BAZ2B: variants seen among roughly 807,000 people sequenced by gnomAD.
BAZ2B encodes the protein bromodomain adjacent to zinc finger domain protein 2B.
A neutral mutation model predicts 246.0 loss-of-function variants in BAZ2B; 91 were observed. The ratio of observed to expected loss-of-function variants is 0.37; its 90% CI spans 0.31 to 0.44. The LOEUF (loss-of-function observed/expected upper bound fraction) is 0.44, where lower values mean the gene tolerates loss of function less well. Ranked by LOEUF, BAZ2B falls within the 20% of genes least tolerant of loss-of-function variation. The probability of loss-of-function intolerance (pLI) is 1.00; values close to 1 mark genes in which losing one functional copy is unlikely to be tolerated. For missense variants in BAZ2B, 2,332 were observed against 2,533.7 expected (o/e 0.92, Z 1.71); for synonymous variants, 855 against 860.0 (o/e 0.99, Z 0.10).
chr2:159,372,385 T>A (rs759435871), intron 27 of BAZ2B, among the ~76,000 whole-genome samples: 1 of 152,218 alleles, frequency 6.6e-6, no homozygotes, highest in South Asian at 2.1e-4. Context: ...TTTGTCCCCA[T>A]CAGAATTTGG....
At chr2:159,397,430 G>T in intron 18 of BAZ2B, 41 bp from the exon 19 acceptor site, 2 of 1,324,144 alleles carry the variant, frequency 1.5e-6, no homozygotes, top group Non-Finnish European at 2.1e-6. Flanking sequence ...TTTTAGAGAA[G>T]ATTTAGAACA....
chr2:159,337,401 A>G, intron 32 of BAZ2B, 166 bp downstream of exon 32: 1 of 1,446,758 alleles, frequency 6.9e-7, no homozygotes, highest in South Asian at 1.3e-5. Context: ...CAGGCAATAG[A>G]AAATAGGCTC....
rs756452809 is a variant in BAZ2B, at chr2:159,350,310, T to C, written c.4261A>G (p.Ser1421Gly). Residue 1421 changes from serine to glycine, a missense_variant, in exon 28 of 37, where the codon AGT (serine) becomes GGT (glycine). Physicochemically the swap from Ser to Gly is moderately conservative, Grantham distance 56 (BLOSUM62 0). Around this residue, in one of 9 missense-constraint regions of BAZ2B, gnomAD observed 676 missense variants for 668.6 expected, o/e 1.01. Coordinates refer to ENST00000392783, the MANE Select transcript of BAZ2B (RefSeq NM_013450.4). ...KEREKLKKAESVQIKEEMFET... is the reference protein window; with the variant it reads ...KEREKLKKAEGVQIKEEMFET... ...AACATTTCTTCTTTGATCTGGACAC[T>C]TTCTGCCTTTTTCAGTTTTTCTCTT... 11 of 1,576,024 alleles carry C rather than the reference T, an allele frequency of 7.0e-6. No individual in the cohort carries two copies. In the East Asian group the frequency reaches 2.2e-4, roughly 32 times the overall value.
At chr2:159,539,478 T>C (rs950554206) in intron 2 of BAZ2B, among the ~76,000 whole-genome samples, 1 of 152,248 alleles carries the variant, frequency 6.6e-6, no homozygotes, top group Non-Finnish European at 1.5e-5. Context: ...ATTTATGTAC[T>C]AGTGTCCTCC....
intron 3 of BAZ2B, among the ~76,000 whole-genome samples, chr2:159,477,381 A>C (rs1423274534): frequency 6.6e-6 from 1 of 151,948 alleles, no homozygotes; most frequent in Non-Finnish European, 1.5e-5. Context: ...ACACACATAT[A>C]GTGCTATTTT....
intron 8 of BAZ2B, among the ~76,000 whole-genome samples, chr2:159,436,020 A>G (rs2072217291): frequency 6.6e-6 from 1 of 152,242 alleles, no homozygotes; most frequent in Admixed American, 6.5e-5. Context: ...AGTTAGATGT[A>G]CCATTTCAAT....
chr2:159,674,788 C>A, the BAZ2B span, among the ~76,000 whole-genome samples: 1 of 151,330 alleles, frequency 6.6e-6, no homozygotes, highest in Non-Finnish European at 1.5e-5. Flanking sequence ...GTAAGGATTT[C>A]TGAATAAATA....
chr2:159,518,884 T>A (rs993415469), intron 2 of BAZ2B, among the ~76,000 whole-genome samples: 1 of 152,176 alleles, frequency 6.6e-6, no homozygotes, highest in Non-Finnish European at 1.5e-5. Context: ...CTGTAAGATG[T>A]AATTTACAAA....
chr2:159,370,414 G>A (rs564554059), intron 27 of BAZ2B, among the ~76,000 whole-genome samples: 5 of 117,584 alleles, frequency 4.3e-5, no homozygotes, highest in Admixed American at 1.2e-4. Flanking sequence ...ACGCAGTCTC[G>A]CTCTCTTGCC....
intron 1 of BAZ2B, among the ~76,000 whole-genome samples, chr2:159,595,447 G>A: frequency 6.6e-6 from 1 of 152,144 alleles, no homozygotes; most frequent in East Asian, 1.9e-4. Flanking sequence ...CATGTTAGTG[G>A]AAATGTCAAT....
intron 27 of BAZ2B, among the ~76,000 whole-genome samples, chr2:159,361,470 T>C (rs200571105): frequency 4.6e-5 from 7 of 152,172 alleles, no homozygotes; most frequent in African/African-American, 1.7e-4. Context: ...GGCGAGGCTG[T>C]GGAGAAATAG....
the BAZ2B span, among the ~76,000 whole-genome samples, chr2:159,691,788 G>A: frequency 6.6e-6 from 1 of 152,176 alleles, no homozygotes; most frequent in Non-Finnish European, 1.5e-5. Flanking sequence ...TTTTTACTGT[G>A]ATACAGTGCC....
intron 2 of BAZ2B, among the ~76,000 whole-genome samples, chr2:159,504,733 ATATATT>A (rs2082159617): frequency 6.6e-6 from 1 of 152,194 alleles, no homozygotes; most frequent in African/African-American, 2.4e-5. Flanking sequence ...CTCTTAAGAC[ATATATT>A]GGAATCTCAT....
Position 159,509,106 on chromosome 2 carries a change from A to G in BAZ2B, c.-2-30385T>C, listed in dbSNP as rs190012677. 9.2e-4 allele frequency among the ~76,000 whole-genome samples: 140 copies of G among 152,302 alleles called. 1 individual carries two copies. Among genetic ancestry groups the G allele is most frequent in the Non-Finnish European group, 1.1e-3 (78 of 68,006 alleles). ...GTAAGAGTGATCTCAAAAATGCTGAATGAAATCATTATAGTCCTCTCTCTC... is the reference window on the plus strand; with the variant it reads ...GTAAGAGTGATCTCAAAAATGCTGAGTGAAATCATTATAGTCCTCTCTCTC... On this transcript the variant is annotated intron_variant, in intron 2 of 36. Coordinates refer to ENST00000392783, the MANE Select transcript of BAZ2B (RefSeq NM_013450.4).
At chr2:159,638,705 G>A in the BAZ2B span, among the ~76,000 whole-genome samples, 3 of 138,054 alleles carry the variant, frequency 2.2e-5, no homozygotes, top group African/African-American at 7.4e-5. Flanking sequence ...AAAGTCAGAG[G>A]AGACAAAAGA....
At chr2:159,463,704 T>TTTATTA (rs144305643) in intron 3 of BAZ2B, 8 of 150,920 alleles carry the variant, frequency 5.3e-5, no homozygotes, top group African/African-American at 1.2e-4. Flanking sequence ...CAGATTGGGT[T>TTTATTA]TTATTATTAT....
At chr2:159,706,910 C>T in the BAZ2B span, among the ~76,000 whole-genome samples, 5 of 152,142 alleles carry the variant, frequency 3.3e-5, no homozygotes, top group Admixed American at 2.0e-4. Context: ...ATCCTGTCAG[C>T]CTTAAGAGCA....
the BAZ2B span, among the ~76,000 whole-genome samples, chr2:159,676,980 AT>A: frequency 7.9e-6 from 1 of 127,094 alleles, no homozygotes. Flanking sequence ...ATATATATAT[AT>A]ATATATATAT....
At chr2:159,457,587 T>C (rs79913805) in intron 3 of BAZ2B, among the ~76,000 whole-genome samples, 1,727 of 152,310 alleles carry the variant, frequency 0.011, 50 homozygotes, top group East Asian at 0.092. Context: ...ACATTAACAC[T>C]GGCCCTTTAT....
Sources: gnomAD v4.1 joint callset for allele counts (sites outside exome capture counted in the v4.1 genomes callset) on GRCh38, gnomAD v4.1.1 for gene constraint, gnomAD v4.1.1 regional missense constraint, MANE v1.5 for transcripts, NCBI Gene and HGNC (gene_info 2026-07-23, HGNC 2026-07-21) for gene names.